Variants in C8orf90 observed in about 807,000 individuals in gnomAD.
The protein encoded by C8orf90 is chromosome 8 open reading frame 90.
the C8orf90 span, among the ~76,000 whole-genome samples, chr8:141,515,523 G>A: frequency 6.6e-6 from 1 of 150,994 alleles, no homozygotes; most frequent in Non-Finnish European, 1.5e-5. Flanking sequence ...CTCTCACCCA[G>A]CCACCCACCC....
the C8orf90 span, chr8:141,518,075 G>A: frequency 2.0e-6 from 1 of 510,920 alleles, no homozygotes; most frequent in Non-Finnish European, 3.4e-6. Context: ...GCCATCCCCA[G>A]CTCTGCCTTT....
the C8orf90 span, chr8:141,514,734 G>T: frequency 1.4e-6 from 1 of 701,728 alleles, no homozygotes; most frequent in East Asian, 2.7e-5. Context: ...AGCCCAGCAG[G>T]TCTGCCCCCT....
the C8orf90 span, among the ~76,000 whole-genome samples, chr8:141,516,189 C>T: frequency 3.3e-5 from 5 of 152,304 alleles, no homozygotes; most frequent in Admixed American, 1.3e-4. Context: ...ATCATGATAC[C>T]GCTCTTTCCC....
the C8orf90 span, chr8:141,518,367 G>T: frequency 1.5e-6 from 1 of 676,890 alleles, no homozygotes; most frequent in Admixed American, 2.1e-5. Flanking sequence ...AGAACTTCAC[G>T]CTGCCCTTCC....
the C8orf90 span, among the ~76,000 whole-genome samples, chr8:141,515,973 C>A: frequency 6.6e-6 from 1 of 152,118 alleles, no homozygotes; most frequent in Non-Finnish European, 1.5e-5. Flanking sequence ...GGCCTTGCAC[C>A]CTCCTTCCCT....
At chr8:141,518,617 C>T in the C8orf90 span, 12 of 499,878 alleles carry the variant, frequency 2.4e-5, no homozygotes, top group Admixed American at 2.2e-4. Flanking sequence ...CCCGGCCCCG[C>T]CGCCGCCTTC....
At chr8:141,518,293 G>A in the C8orf90 span, 2 of 662,840 alleles carry the variant, frequency 3.0e-6, no homozygotes, top group Non-Finnish European at 5.4e-6. Flanking sequence ...GCATTTCCGC[G>A]GCATCGGGCG....
At chr8:141,518,201 C>T in the C8orf90 span, 4 of 571,040 alleles carry the variant, frequency 7.0e-6, no homozygotes, top group South Asian at 2.0e-5. Context: ...CGTTCACTGT[C>T]CCCTCCGCCC....
At chr8:141,517,095 A>G in the C8orf90 span, among the ~76,000 whole-genome samples, 2 of 152,244 alleles carry the variant, frequency 1.3e-5, no homozygotes, top group Non-Finnish European at 2.9e-5. Flanking sequence ...CATAGTGGAA[A>G]GTGATTGCCC....
chr8:141,518,501 C>A, the C8orf90 span: 2 of 615,308 alleles, frequency 3.3e-6, no homozygotes, highest in South Asian at 1.8e-5. Context: ...CTGCTGCGGC[C>A]CCTGCACGCC....
chr8:141,514,741 C>T, the C8orf90 span: 2 of 701,604 alleles, frequency 2.9e-6, no homozygotes, highest in Non-Finnish European at 5.2e-6. Flanking sequence ...CAGGTCTGCC[C>T]CCTCCTTCTG....
chr8:141,517,273 C>T, the C8orf90 span, among the ~76,000 whole-genome samples: 2 of 152,378 alleles, frequency 1.3e-5, no homozygotes, highest in East Asian at 3.9e-4. Flanking sequence ...GTGTGGCCAT[C>T]CCCAGACAGC....
the C8orf90 span, chr8:141,514,766 G>A: frequency 1.0e-5 from 7 of 701,004 alleles, no homozygotes; most frequent in African/African-American, 8.7e-5. Flanking sequence ...CACTCCAGGC[G>A]AGACACTTGG....
chr8:141,518,566 G>T, the C8orf90 span: 1 of 429,722 alleles, frequency 2.3e-6, no homozygotes, highest in Non-Finnish European at 4.0e-6. Flanking sequence ...CCTGAGCTGC[G>T]CCCGCGCGCG....
chr8:141,518,413 G>T, the C8orf90 span: 1 of 672,730 alleles, frequency 1.5e-6, no homozygotes, highest in Non-Finnish European at 2.7e-6. Flanking sequence ...CCCCGCCTGC[G>T]GGCCGCTCTT....
chr8:141,518,200 T>G, the C8orf90 span: 3 of 568,044 alleles, frequency 5.3e-6, no homozygotes, highest in African/African-American at 2.0e-5. Context: ...GCGTTCACTG[T>G]CCCCTCCGCC....
At chr8:141,518,710 A>C in the C8orf90 span, 1 of 495,736 alleles carries the variant, frequency 2.0e-6, no homozygotes, top group Non-Finnish European at 3.6e-6. Flanking sequence ...CGAACAGAAT[A>C]AATAAAGAGT....
the C8orf90 span, chr8:141,514,805 A>G: frequency 1.0e-5 from 7 of 696,094 alleles, no homozygotes; most frequent in South Asian, 9.0e-5. Context: ...GGGAAGGGGG[A>G]CGGGGCACCT....
At chr8:141,518,069 T>C in the C8orf90 span, 14 of 507,156 alleles carry the variant, frequency 2.8e-5, no homozygotes, top group South Asian at 3.6e-4. Flanking sequence ...GCCCTGGCCA[T>C]CCCCAGCTCT....
Sources: gnomAD v4.1 joint callset for allele counts (sites outside exome capture counted in the v4.1 genomes callset) on GRCh38, gnomAD v4.1.1 for gene constraint, MANE v1.5 for transcripts, NCBI Gene and HGNC (gene_info 2026-07-23, HGNC 2026-07-21) for gene names.